Variants in TEFM observed in about 807,000 individuals in gnomAD.
TEFM encodes transcription elongation factor, mitochondrial.
In TEFM, 14 loss-of-function variants were observed where a neutral mutation model predicts 23.0. The ratio of observed to expected loss-of-function variants is 0.61; its 90% confidence interval spans 0.40 to 0.95. The LOEUF is 0.95. Ranked by LOEUF, TEFM falls within the 40% of genes least tolerant of loss-of-function variation. The pLI is 0.00. For synonymous variants in TEFM, 155 were observed against 158.3 expected, an observed-to-expected ratio of 0.98 and a Z score of 0.16; for missense variants, 386 against 425.5, an observed-to-expected ratio of 0.91 and a Z score of 0.82.
At chr17:30,903,534 T>A (rs558675042) in intron 2 of TEFM, among the ~76,000 whole-genome samples, 10 of 151,342 alleles carry the variant, frequency 6.6e-5, no homozygotes, top group Admixed American at 4.0e-4. Context: ...TTTTTTTTTT[T>A]AATCTTACCT....
chr17:30,906,183 G>A lies in TEFM; in HGVS notation c.16C>T (p.Leu6Phe), dbSNP rs376662993. ...AGCACCCTACCTCCCGCCGTGAAGA[G>A]GACAGACCCGCTCATCTCCAAGTTG... MSGSV[L>F]FTAGERWRCF... Residue 6 changes from leucine to phenylalanine, a missense_variant, in exon 1 of 4, where the codon CTC becomes TTC. Coordinates refer to ENST00000581216, the MANE Select transcript of TEFM (RefSeq NM_024683.4). The A allele has an allele frequency of 1.2e-6, 2 of 1,614,106 alleles. No homozygotes were observed. Among genetic ancestry groups the A allele is most frequent in the African/African-American group, 2.7e-5 (2 of 74,940 alleles).
Position 30,900,515 on chromosome 17 carries a change from G to A in TEFM, c.543C>T (p.Ala181=). 1 of 1,614,146 alleles carries A rather than the reference G, an allele frequency of 6.2e-7. No homozygotes were observed. Among genetic ancestry groups the A allele is most frequent in the East Asian group, 2.2e-5 (1 of 44,888 alleles). The change falls in exon 3 of 4, where the codon GCC becomes GCT. Residue 181 remains alanine, a synonymous_variant. Coordinates refer to ENST00000581216, the MANE Select transcript of TEFM (RefSeq NM_024683.4). The part of the protein sequence containing the change: ...ISIVFGTRRI[A]WAHLDRKLTV... ...TCAACTTACGATCAAGGTGAGCCCA[G>A]GCAATTCTTCGAGTACCAAAAACGA...
chr17:30,902,864 C>T (rs544263844), intron 2 of TEFM, among the ~76,000 whole-genome samples: 21 of 152,164 alleles, frequency 1.4e-4, no homozygotes, highest in Admixed American at 9.8e-4. Flanking sequence ...GTGCTGTGGC[C>T]GGGCGCAGTG....
Position 30,904,288 on chromosome 17 carries a change from A to T in TEFM, c.273T>A (p.Leu91=). ...CGATATTGATGGACCTTCTTCCACG[A>T]AGCAATCGGAAAGCTTCAAGTTCTT... ...STKELEAFRL[L]RGRRSINIVE... Residue 91 remains leucine (L), a synonymous_variant, in exon 2 of 4, where the codon CTT becomes CTA. Transcript: ENST00000581216. The T allele has an allele frequency of 6.2e-7, 1 of 1,614,240 alleles. No homozygotes were observed. Among genetic ancestry groups the T allele is most frequent in the Non-Finnish European group, 8.5e-7 (1 of 1,180,042 alleles).
At chr17:30,900,743 A>T (rs1910026266) in intron 2 of TEFM, among the ~76,000 whole-genome samples, 181 bp from the exon 3 acceptor site, 1 of 151,158 alleles carries the variant, frequency 6.6e-6, no homozygotes, top group African/African-American at 2.4e-5. Flanking sequence ...CTGGGACTAC[A>T]GGCGCCCGCC....
chr17:30,901,689 G>A (rs2142474309), intron 2 of TEFM, among the ~76,000 whole-genome samples: 1 of 152,260 alleles, frequency 6.6e-6, no homozygotes, highest in Middle Eastern at 3.4e-3. Flanking sequence ...GCTTTATCCT[G>A]AGTGCTACAG....
chr17:30,899,162 CAG>C lies in TEFM; in HGVS notation c.*5_*6del. 6.4e-7 allele frequency: 1 copy of C among 1,565,572 alleles called. No individual in the cohort carries two copies. The highest frequency in any genetic ancestry group is 8.7e-7 in the Non-Finnish European group (1 of 1,155,080). On this transcript the variant is annotated 3_prime_UTR_variant, in exon 4 of 4. Coordinates refer to ENST00000581216, the MANE Select transcript of TEFM (RefSeq NM_024683.4). ...TAATTATACTTTAGCACGTTAACCT[CAG>C]AATTCTAAGGCTGAGAGTCAAACAC...
rs746237611 is a variant in TEFM, at chr17:30,904,316, G to A, written c.245C>T (p.Thr82Ile). The A allele has an allele frequency of 1.2e-6, 2 of 1,614,202 alleles. No individual in the cohort carries two copies. Among genetic ancestry groups the A allele is most frequent in the Non-Finnish European group, 1.7e-6 (2 of 1,180,032 alleles). Residue 82 changes from threonine (T) to isoleucine (I), a missense_variant, in exon 2 of 4, where the codon ACT becomes ATT. Physicochemically the swap from Thr to Ile is moderately conservative, Grantham distance 89 (BLOSUM62 -1). Transcript: ENST00000581216. ...SILHVLNTAS[T>I]KELEAFRLLR... is the part of the protein sequence containing the mutation. ...CAATCGGAAAGCTTCAAGTTCTTTA[G>A]TAGATGCTGTATTCAACACATGCAA...
In TEFM at chr17:30,904,547, C is replaced by T. The variant is rs367869766; in HGVS notation, c.32-18G>A. 1.4e-5 allele frequency: 22 copies of T among 1,572,886 alleles called. No individual in the cohort carries two copies. Among genetic ancestry groups the T allele is most frequent in the Non-Finnish European group, 1.9e-5 (22 of 1,159,492 alleles). The stretch of plus-strand genomic sequence containing the variant: ...CCACCTCTCTAAAAGGAAAATTTAG[C>T]AAAATATAAGTTGGATGTCCTACTT... On this transcript the variant is annotated intron_variant, in intron 1 of 3. Coordinates refer to ENST00000581216, the MANE Select transcript of TEFM (RefSeq NM_024683.4).
chr17:30,903,517 CTT>C (rs397935118), intron 2 of TEFM, among the ~76,000 whole-genome samples: 28 of 129,824 alleles, frequency 2.2e-4, no homozygotes, highest in Admixed American at 2.3e-4. Context: ...GAGCCAGCCG[CTT>C]TTTTTTTTTT....
intron 2 of TEFM, among the ~76,000 whole-genome samples, chr17:30,903,033 C>T (rs962617909): frequency 2.7e-5 from 4 of 148,792 alleles, no homozygotes; most frequent in Non-Finnish European, 5.9e-5. Context: ...GTTTCAGCTA[C>T]TCAGGAGGCT....
chr17:30,906,165 T>C lies in TEFM; in HGVS notation c.31+3A>G, dbSNP rs1395837963. 1.2e-6 allele frequency: 2 copies of C among 1,613,988 alleles called. No homozygotes were observed. Among genetic ancestry groups the C allele is most frequent in the Non-Finnish European group, 1.7e-6 (2 of 1,179,998 alleles). On this transcript the variant is annotated splice_donor_region_variant and intron_variant, in intron 1 of 3. Transcript: ENST00000581216. ...AATCACCCCAGTGTTCCAAGCACCC[T>C]ACCTCCCGCCGTGAAGAGGACAGAC...
At chr17:30,906,046 A>T (rs2142478662) in intron 1 of TEFM, 122 bp downstream of exon 1, 1 of 1,441,502 alleles carries the variant, frequency 6.9e-7, no homozygotes, top group Admixed American at 1.7e-5. Flanking sequence ...GTCAGAGGCT[A>T]ATGACAGACG....
Position 30,899,219 on chromosome 17 carries a change from A to C in TEFM, c.1033T>G (p.Leu345Val). 1.2e-6 allele frequency: 2 copies of C among 1,612,222 alleles called. No homozygotes were observed. Among genetic ancestry groups the C allele is most frequent in the Non-Finnish European group, 1.7e-6 (2 of 1,178,762 alleles). Residue 345 changes from leucine (L) to valine (V), a missense_variant, in exon 4 of 4, where the codon TTA becomes GTA. Leu to Val is a conservative substitution (Grantham distance 32, BLOSUM62 1). Coordinates refer to ENST00000581216, the MANE Select transcript of TEFM (RefSeq NM_024683.4). ...QRVEELYDSL[L>V]QAIAFYELAV... ...AATTCATAGAAGGCAATAGCTTGTA[A>C]TAATGAATCATAAAGCTCTTCTACT... is the stretch of plus-strand genomic sequence containing the variant.
Position 30,899,475 on chromosome 17 carries a change from G to A in TEFM, c.777C>T (p.Ala259=), listed in dbSNP as rs1465955578. 1.2e-6 allele frequency: 2 copies of A among 1,613,940 alleles called. No homozygotes were observed. The highest frequency in any genetic ancestry group is 1.7e-6 in the Non-Finnish European group (2 of 1,180,000). ...HFHIMEAMLY[A]LLNKTFAQDG... The stretch of plus-strand genomic sequence containing the variant: ...CCTGGGCAAAAGTTTTATTTAATAA[G>A]GCATACAGCATGGCTTCCATGATAT... The change falls in exon 4 of 4, where the codon GCC becomes GCT. Residue 259 remains alanine, a synonymous_variant. Transcript: ENST00000581216.
intron 2 of TEFM, among the ~76,000 whole-genome samples, chr17:30,901,493 T>G (rs2142474152): frequency 6.6e-6 from 1 of 152,152 alleles, no homozygotes; most frequent in African/African-American, 2.4e-5. Context: ...ATAAAACTAT[T>G]GTAGAGAGAA....
Position 30,904,507 on chromosome 17 carries a change from G to T in TEFM, c.54C>A (p.Thr18=). Residue 18 remains threonine (T), a synonymous_variant, in exon 2 of 4, where the codon ACC becomes ACA. Coordinates refer to ENST00000581216, the MANE Select transcript of TEFM (RefSeq NM_024683.4). ...TAGERWRCFL[T]PSRSSLYWAL... ...CCCAGTACAGGGATGACCTCGACGG[G>T]GTCAGAAAGCATCTCCACCTCTCTA... 4 of 1,606,392 alleles carry T rather than the reference G, an allele frequency of 2.5e-6. No individual in the cohort carries two copies. The highest frequency in any genetic ancestry group is 3.4e-6 in the Non-Finnish European group (4 of 1,175,834).
chr17:30,903,136 CAA>C (rs1173542105), intron 2 of TEFM, among the ~76,000 whole-genome samples: 5,067 of 66,950 alleles, frequency 0.076, 276 homozygotes, highest in African/African-American at 0.23. Flanking sequence ...GACTCTGTCT[CAA>C]AAAAAAAAAA....
At chr17:30,899,987 C>A in intron 3 of TEFM, 2 of 263,302 alleles carry the variant, frequency 7.6e-6, no homozygotes, top group Non-Finnish European at 1.4e-5. Flanking sequence ...CTGCAACTGA[C>A]TAATCACATC....
Sources: gnomAD v4.1 joint callset for allele counts (sites outside exome capture counted in the v4.1 genomes callset) on GRCh38, gnomAD v4.1.1 for gene constraint, MANE v1.5 for transcripts, NCBI Gene and HGNC (gene_info 2026-07-23, HGNC 2026-07-21) for gene names.